PCSK6: variants seen among roughly 807,000 people sequenced by gnomAD.
The protein encoded by PCSK6 is proprotein convertase subtilisin/kexin type 6.
Under a neutral mutation model 123.3 loss-of-function variants are expected in PCSK6, and 85 were observed. The ratio of observed to expected loss-of-function variants is 0.69; its 90% CI spans 0.58 to 0.83. PCSK6 has a LOEUF of 0.83. PCSK6 is among the 40% of genes least tolerant of loss of function. The probability of loss-of-function intolerance (pLI) is 0.00; values close to 1 mark genes in which losing one functional copy is unlikely to be tolerated. For synonymous variants in PCSK6, 508 were observed against 516.0 expected, an observed-to-expected ratio of 0.98 and a Z score of 0.21; for missense variants, 1,191 against 1,282.3, an observed-to-expected ratio of 0.93 and a Z score of 1.09.
chr15:101,488,987 G>A (rs1254646931), intron 1 of PCSK6, among the ~76,000 whole-genome samples: 2 of 150,252 alleles, frequency 1.3e-5, no homozygotes, highest in Non-Finnish European at 3.0e-5. Context: ...CCAGGACCCA[G>A]CGGCGGACGG....
At chr15:101,414,833 C>A (rs1269301272) in intron 6 of PCSK6, among the ~76,000 whole-genome samples, 2 of 152,100 alleles carry the variant, frequency 1.3e-5, no homozygotes, top group African/African-American at 4.8e-5. Flanking sequence ...GAAATCAGCA[C>A]ATGTATGAAT....
Position 101,431,311 on chromosome 15 carries a change from T to C in PCSK6, c.657+9A>G, listed in dbSNP as rs1417707110. Reference sequence around the variant, plus strand: ...TATATTTGCATGTCAGTTCCGAGGATTGACTTACATAATTTGGGGCCAGGT... The same window carrying C: ...TATATTTGCATGTCAGTTCCGAGGACTGACTTACATAATTTGGGGCCAGGT... On this transcript the variant is annotated intron_variant, in intron 4 of 21. Coordinates refer to ENST00000611716, the MANE Select transcript of PCSK6 (RefSeq NM_002570.5). The C allele has an allele frequency of 6.2e-6, 10 of 1,613,754 alleles. No individual in the cohort carries two copies. The highest frequency in any genetic ancestry group is 2.2e-5 in the East Asian group (1 of 44,892).
rs759916134 is a variant in PCSK6 at position 101,392,251 on chromosome 15, T to A, written c.1209+961A>T. On this transcript the variant is annotated intron_variant, in intron 8 of 21. Transcript: ENST00000611716. Reference sequence around the variant, plus strand: ...CTCAGCTGCCCGTCCCAGGGGTGCGTACTCCAGCAGAAAAGGAAAATAACA... The same window carrying A: ...CTCAGCTGCCCGTCCCAGGGGTGCGAACTCCAGCAGAAAAGGAAAATAACA... Among the ~76,000 whole-genome samples the A allele has an allele frequency of 2.0e-5, 3 of 152,322 alleles. No homozygotes were observed. In the South Asian group the frequency reaches 6.2e-4, roughly 32 times the overall value.
rs2056315213 is a variant in PCSK6 at position 101,427,943 on chromosome 15, C to T, written c.772G>A (p.Ala258Thr). The change falls in exon 6 of 22, where the codon GCA (alanine) becomes ACA (threonine). Residue 258 changes from alanine to threonine, a missense_variant. Around this residue, in one of 3 missense-constraint regions of PCSK6, gnomAD observed 357 missense variants for 484.5 expected, o/e 0.74. Coordinates refer to ENST00000611716, the MANE Select transcript of PCSK6 (RefSeq NM_002570.5). ...TRCAGEVAAS[A>T]NNSYCIVGIA... ...CCCACGATGCAGTAGGAATTGTTTG[C>T]TGAAGCAGCAACTTCTCCCGCACAA... 1 of 1,588,494 alleles carries T rather than the reference C, an allele frequency of 6.3e-7. No homozygotes were observed. Among genetic ancestry groups the T allele is most frequent in the Admixed American group, 1.8e-5 (1 of 56,438 alleles).
chr15:101,374,809 G>A (rs1163898864), intron 11 of PCSK6, among the ~76,000 whole-genome samples: 1 of 152,228 alleles, frequency 6.6e-6, no homozygotes, highest in Non-Finnish European at 1.5e-5. Context: ...GGTGGCAAGA[G>A]GCTTCTAGGT....
chr15:101,400,450 A>G (rs905052064), intron 6 of PCSK6, among the ~76,000 whole-genome samples: 3 of 152,206 alleles, frequency 2.0e-5, no homozygotes, highest in Non-Finnish European at 4.4e-5. Context: ...CAGAATCTAC[A>G]TCAACACGTA....
chr15:101,368,142 G>C (rs1372893789), intron 12 of PCSK6, among the ~76,000 whole-genome samples: 1 of 152,204 alleles, frequency 6.6e-6, no homozygotes, highest in Non-Finnish European at 1.5e-5. Flanking sequence ...ATGCCTGATG[G>C]CGCAAGGACA....
At position 101,398,333 on chromosome 15, in the gene PCSK6, C is replaced by A; in HGVS notation, c.996+71G>T. The stretch of plus-strand genomic sequence containing the variant: ...TTTCAGGGCTGTGGCCAGTGTCACT[C>A]TGATACTTGTTAAAATGTTTACTGT... On this transcript the variant is annotated intron_variant, in intron 7 of 21. Transcript: ENST00000611716. The surrounding 1 kb of genome is among the most constrained non-coding windows in gnomAD (Gnocchi z 4.6). 1 of 1,518,638 alleles carries A rather than the reference C, an allele frequency of 6.6e-7. No homozygotes were observed. Among genetic ancestry groups the A allele is most frequent in the Non-Finnish European group, 8.9e-7 (1 of 1,118,538 alleles). 94.1% of individuals were successfully genotyped at this position (1,518,638 alleles called of 1,614,324 possible).
chr15:101,369,147 C>T (rs891457303), intron 12 of PCSK6, among the ~76,000 whole-genome samples: 8 of 152,220 alleles, frequency 5.3e-5, no homozygotes, highest in Admixed American at 2.0e-4. Context: ...CTGCTGCCAC[C>T]GCTCCAGCTT....
At chr15:101,419,853 T>C (rs2056021814) in intron 6 of PCSK6, among the ~76,000 whole-genome samples, 1 of 151,930 alleles carries the variant, frequency 6.6e-6, no homozygotes, top group Non-Finnish European at 1.5e-5. Flanking sequence ...GATCTCTCTT[T>C]CACACTACTC....
intron 6 of PCSK6, among the ~76,000 whole-genome samples, chr15:101,425,019 T>C (rs567420404): frequency 4.6e-5 from 7 of 152,078 alleles, no homozygotes; most frequent in South Asian, 2.1e-4. Context: ...GAACCACCTA[T>C]TGAAGTTAAA....
chr15:101,402,872 A>C (rs1596296407), intron 6 of PCSK6, among the ~76,000 whole-genome samples: 2 of 152,194 alleles, frequency 1.3e-5, no homozygotes, highest in South Asian at 2.1e-4. Flanking sequence ...GCGATTCCTC[A>C]GGGATCTAGA....
chr15:101,434,112 G>C (rs963867710), intron 2 of PCSK6, among the ~76,000 whole-genome samples: 5 of 152,214 alleles, frequency 3.3e-5, no homozygotes, highest in African/African-American at 1.2e-4. Flanking sequence ...ATGGCATTTT[G>C]CAATGTCCCC....
intron 4 of PCSK6, among the ~76,000 whole-genome samples, chr15:101,430,613 C>T (rs928762911): frequency 6.6e-6 from 1 of 152,216 alleles, no homozygotes; most frequent in African/African-American, 2.4e-5. Flanking sequence ...ATTTTACATT[C>T]TCCTTTTAAA....
intron 20 of PCSK6, chr15:101,312,498 T>C (rs1470635990): frequency 6.7e-6 from 1 of 148,708 alleles, no homozygotes; most frequent in Non-Finnish European, 1.5e-5. Flanking sequence ...ATGAGGAAAT[T>C]GTCAGGATCT....
intron 8 of PCSK6, among the ~76,000 whole-genome samples, chr15:101,392,037 T>G (rs2042247718): frequency 6.6e-6 from 1 of 152,210 alleles, no homozygotes; most frequent in Non-Finnish European, 1.5e-5. Context: ...CTTCCAGGGT[T>G]GAGAGACACC....
At chr15:101,469,608 G>C (rs1276826966) in intron 1 of PCSK6, among the ~76,000 whole-genome samples, 1 of 152,232 alleles carries the variant, frequency 6.6e-6, no homozygotes, top group East Asian at 1.9e-4. Context: ...ATGCCAGGCA[G>C]GCGAAGGACT....
At chr15:101,307,494 G>C in intron 20 of PCSK6, 169 bp from the exon 21 acceptor site, 1 of 593,058 alleles carries the variant, frequency 1.7e-6, no homozygotes, top group East Asian at 2.8e-5. Flanking sequence ...CTGAGTGTCT[G>C]CATGTCTTTT....
chr15:101,320,572 C>T (rs1281337012), intron 18 of PCSK6, among the ~76,000 whole-genome samples: 1 of 152,126 alleles, frequency 6.6e-6, no homozygotes, highest in Non-Finnish European at 1.5e-5. Flanking sequence ...TGTATGTTGG[C>T]AAGCTCCTCT....
Sources: gnomAD v4.1 joint callset for allele counts (sites outside exome capture counted in the v4.1 genomes callset) on GRCh38, gnomAD v4.1.1 for gene constraint, gnomAD v4.1.1 regional missense constraint, Gnocchi (gnomAD v3.1) non-coding constraint, MANE v1.5 for transcripts, NCBI Gene and HGNC (gene_info 2026-07-23, HGNC 2026-07-21) for gene names.